Variants in KIF6 observed in about 807,000 individuals in gnomAD.
KIF6 encodes kinesin-like protein KIF6.
KIF6 carries 106 observed loss-of-function variants against 112.7 expected under a neutral mutation model. The observed-to-expected ratio is 0.94, with a 90% confidence interval of 0.80 to 1.11. The LOEUF (loss-of-function observed/expected upper bound fraction) is 1.11, where lower values mean the gene tolerates loss of function less well. Ranked by LOEUF, KIF6 falls within the 50% of genes least tolerant of loss-of-function variation. The probability of loss-of-function intolerance (pLI) is 0.00; values close to 1 mark genes in which losing one functional copy is unlikely to be tolerated. For synonymous variants in KIF6, 339 were observed against 339.9 expected, an observed-to-expected ratio of 1.00 and a Z score of 0.03; for missense variants, 929 against 964.0, an observed-to-expected ratio of 0.96 and a Z score of 0.48.
At chr6:39,407,893 G>A (rs1285935894) in intron 15 of KIF6, among the ~76,000 whole-genome samples, 1 of 152,168 alleles carries the variant, frequency 6.6e-6, no homozygotes. Context: ...GTGAGGTAGA[G>A]TCAGTACCTC....
chr6:39,670,651 C>T (rs940711977), intron 3 of KIF6, among the ~76,000 whole-genome samples: 3 of 151,940 alleles, frequency 2.0e-5, no homozygotes, highest in Non-Finnish European at 4.4e-5. Context: ...TAGGATCCTC[C>T]GCACAGTTCA....
chr6:39,497,318 T>G (rs1264565706), intron 13 of KIF6, among the ~76,000 whole-genome samples: 2 of 152,318 alleles, frequency 1.3e-5, no homozygotes, highest in South Asian at 4.1e-4. Context: ...TCTGTCAGCA[T>G]GAAGATTGGG....
chr6:39,429,825 T>G (rs570810336), intron 14 of KIF6, among the ~76,000 whole-genome samples: 3 of 152,186 alleles, frequency 2.0e-5, no homozygotes, highest in South Asian at 2.1e-4. Flanking sequence ...GGAGAATCGC[T>G]TGAACCCGGG....
Position 39,337,199 on chromosome 6 carries a change from C to CTTTCTTTCTTTCT in KIF6, c.2429-664_2429-652dup, listed in dbSNP as rs1763045378. ...TCTTTCTTTCTTTCTTTCTTTCTTT[C>CTTTCTTTCTTTCT]TTTCTTTCTTTCTTTCTTTCTTTCT... On this transcript the variant is annotated intron_variant, in intron 22 of 22. Transcript: ENST00000287152. Among the ~76,000 whole-genome samples the CTTTCTTTCTTTCT allele has an allele frequency of 4.3e-5, 4 of 93,338 alleles. 1 individual carries two copies. The highest frequency in any genetic ancestry group is 7.4e-5 in the Non-Finnish European group (4 of 53,768). The allele number at this position is 93,338 out of a possible 152,430, so 61.2% of individuals were successfully genotyped here. A position where few individuals can be genotyped will look rare whatever the true frequency, so the allele number is the denominator to read the frequency against.
At chr6:39,427,878 G>C (rs190069278) in intron 14 of KIF6, among the ~76,000 whole-genome samples, 140 of 152,208 alleles carry the variant, frequency 9.2e-4, no homozygotes, top group Middle Eastern at 3.4e-3. Context: ...ACTCAGCCCC[G>C]ACCCAAATCC....
At chr6:39,674,351 G>C (rs946219933) in intron 3 of KIF6, among the ~76,000 whole-genome samples, 1 of 152,168 alleles carries the variant, frequency 6.6e-6, no homozygotes, top group Admixed American at 6.5e-5. Context: ...TGTAGAAGTT[G>C]ATCCTGAGCA....
chr6:39,610,122 T>C (rs1453168984), intron 6 of KIF6, among the ~76,000 whole-genome samples: 1 of 152,136 alleles, frequency 6.6e-6, no homozygotes, highest in African/African-American at 2.4e-5. Context: ...ATTTCAGCTA[T>C]AAGACAAAAA....
intron 13 of KIF6, among the ~76,000 whole-genome samples, chr6:39,507,578 A>G (rs1776492419): frequency 6.6e-6 from 1 of 151,718 alleles, no homozygotes; most frequent in Non-Finnish European, 1.5e-5. Flanking sequence ...AACCTACCAT[A>G]TAACTGCTTG....
At position 39,356,305 on chromosome 6, in the gene KIF6, G is replaced by A. The variant is rs148936426; in HGVS notation, c.2180+972C>T. Among the ~76,000 whole-genome samples the A allele has an allele frequency of 7.9e-4, 120 of 151,130 alleles. 1 individual carries two copies. In the East Asian group the frequency reaches 9.9e-3, roughly 13 times the overall value. ...TTTTTTTTGAGACGGAGTCTCTGTC[G>A]CCCAGGCTGGAGTGCAGTGGCACGA... On this transcript the variant is annotated intron_variant, in intron 19 of 22. Coordinates refer to ENST00000287152, the MANE Select transcript of KIF6 (RefSeq NM_145027.6).
intron 19 of KIF6, 70 bp downstream of exon 19, chr6:39,357,207 A>C (rs1287629273): frequency 1.1e-6 from 1 of 880,856 alleles, no homozygotes; most frequent in Non-Finnish European, 1.8e-6. Flanking sequence ...GAGCCACAGG[A>C]ATAGGTTAAA....
intron 7 of KIF6, among the ~76,000 whole-genome samples, chr6:39,594,239 A>G (rs1782114454): frequency 6.6e-6 from 1 of 152,006 alleles, no homozygotes; most frequent in Non-Finnish European, 1.5e-5. Flanking sequence ...AGGGCAGAAC[A>G]TTTCTCTTGA....
chr6:39,526,778 T>C (rs562744895), intron 13 of KIF6, among the ~76,000 whole-genome samples: 1 of 137,298 alleles, frequency 7.3e-6, no homozygotes, highest in East Asian at 1.9e-4. Context: ...CACAGAGCTA[T>C]AGAGAAGTCA....
chr6:39,621,862 T>A (rs1322334293), intron 5 of KIF6, among the ~76,000 whole-genome samples: 4 of 152,176 alleles, frequency 2.6e-5, no homozygotes, highest in African/African-American at 9.6e-5. Flanking sequence ...CTTTGAATGG[T>A]TAATGAAATT....
rs957911304 is a variant in KIF6 at position 39,342,878 on chromosome 6, T to TGCAGGCGCCACAGG, written c.2428+817_2428+830dup. On this transcript the variant is annotated intron_variant, in intron 22 of 22. Transcript: ENST00000287152. This position sits in a 1 kb window ranked among gnomAD's most constrained non-coding sequence, Gnocchi z 4.7. ...GCACACGGCTGGTGGAGAAGCTGAGTGCAGGCGCCACAGGGCAGGCATCAG... is the reference window on the plus strand; with the variant it reads ...GCACACGGCTGGTGGAGAAGCTGAGTGCAGGCGCCACAGGGCAGGCGCCACAGGGCAGGCATCAG... 1.0e-6 allele frequency: 1 copy of TGCAGGCGCCACAGG among 985,132 alleles called. No individual in the cohort carries two copies. The highest frequency in any genetic ancestry group is 1.7e-5 in the African/African-American group (1 of 57,150). The allele number at this position is 985,132 out of a possible 1,614,324, so 61.0% of individuals were successfully genotyped here.
chr6:39,633,197 C>T (rs917579063), intron 5 of KIF6, among the ~76,000 whole-genome samples: 13 of 151,936 alleles, frequency 8.6e-5, no homozygotes, highest in East Asian at 3.9e-4. Flanking sequence ...GTGAAGCAGA[C>T]GTTTTGAAAT....
At chr6:39,452,124 C>T (rs1772738584) in intron 13 of KIF6, among the ~76,000 whole-genome samples, 1 of 152,216 alleles carries the variant, frequency 6.6e-6, no homozygotes, top group Non-Finnish European at 1.5e-5. Flanking sequence ...TTTACAAATC[C>T]TGTCTTGTCT....
chr6:39,369,819 T>A (rs1391100766), intron 16 of KIF6, among the ~76,000 whole-genome samples: 1 of 152,154 alleles, frequency 6.6e-6, no homozygotes, highest in Non-Finnish European at 1.5e-5. Flanking sequence ...GTCACCTCTG[T>A]TCAAATGGGA....
At chr6:39,673,363 C>A (rs1257323749) in intron 3 of KIF6, among the ~76,000 whole-genome samples, 1 of 152,158 alleles carries the variant, frequency 6.6e-6, no homozygotes, top group Non-Finnish European at 1.5e-5. Context: ...TAGATAGATG[C>A]CCCTCCAAAG....
intron 10 of KIF6, among the ~76,000 whole-genome samples, chr6:39,570,076 T>G (rs1422555927): frequency 1.3e-5 from 2 of 152,268 alleles, no homozygotes; most frequent in African/African-American, 4.8e-5. Context: ...TATGTTCTTT[T>G]GAAACAAATT....
Sources: allele counts gnomAD v4.1 joint callset (sites outside exome capture counted in the v4.1 genomes callset), GRCh38; gene constraint gnomAD v4.1.1; non-coding constraint Gnocchi (gnomAD v3.1); transcripts MANE v1.5; gene names NCBI Gene and HGNC (gene_info 2026-07-23, HGNC 2026-07-21).